Variants in HNF1B observed in about 807,000 individuals in gnomAD.
HNF1B encodes the protein hepatocyte nuclear factor 1-beta.
In HNF1B, 8 loss-of-function variants were observed where a neutral mutation model predicts 61.7. The observed-to-expected ratio is 0.13, with a 90% CI of 0.08 to 0.23. HNF1B has a LOEUF of 0.23. Among genes scored for constraint, HNF1B ranks in the 10% least tolerant of loss-of-function variants. The pLI is 1.00. For missense variants in HNF1B, 562 were observed against 714.5 expected (o/e 0.79, Z 2.43); for synonymous variants, 314 against 287.7 (o/e 1.09, Z -0.93).
intron 4 of HNF1B, among the ~76,000 whole-genome samples, chr17:37,714,432 A>G (rs1329048283): frequency 6.6e-6 from 1 of 152,242 alleles, no homozygotes; most frequent in African/African-American, 2.4e-5. Flanking sequence ...TTGATTAACC[A>G]AAGATGCCAG....
intron 4 of HNF1B, among the ~76,000 whole-genome samples, chr17:37,724,903 CGTGTGTGT>C (rs34210303): frequency 0.065 from 9,459 of 145,306 alleles, 917 homozygotes; most frequent in African/African-American, 0.23. Flanking sequence ...TATATGTATG[CGTGTGTGT>C]GTGTGTGTGT....
At chr17:37,706,586 G>A (rs2032756063) in intron 5 of HNF1B, among the ~76,000 whole-genome samples, 2 of 151,772 alleles carry the variant, frequency 1.3e-5, no homozygotes, top group South Asian at 2.1e-4. Context: ...GAAATGTTAG[G>A]GGGTCACATG....
At chr17:37,744,313 C>T (rs113656333) in intron 1 of HNF1B, among the ~76,000 whole-genome samples, 1 of 152,236 alleles carries the variant, frequency 6.6e-6, no homozygotes, top group Non-Finnish European at 1.5e-5. Context: ...GCCCTTGGGT[C>T]TCGGACGCTG....
rs2034112695 is a variant in HNF1B at position 37,744,621 on chromosome 17, T to A, written c.264A>T (p.Thr88=). 1 of 1,610,640 alleles carries A rather than the reference T, an allele frequency of 6.2e-7. No homozygotes were observed. The highest frequency in any genetic ancestry group is 2.2e-5 in the East Asian group (1 of 44,864). The change falls in exon 1 of 9, where the codon ACA becomes ACT. Residue 88 remains threonine, a synonymous_variant. Transcript: ENST00000617811. ...CCTGCAGCTCCTTGAGGATGGGAGGTGTGTCATAGTCGTCGCCGTCCTCGG... is the reference window on the plus strand; with the variant it reads ...CCTGCAGCTCCTTGAGGATGGGAGGAGTGTCATAGTCGTCGCCGTCCTCGG... The part of the protein sequence containing the change: ...EGSEDGDDYD[T]PPILKELQAL...
intron 4 of HNF1B, among the ~76,000 whole-genome samples, chr17:37,721,144 T>C (rs1476780682): frequency 1.3e-5 from 2 of 152,176 alleles, no homozygotes; most frequent in African/African-American, 4.8e-5. Flanking sequence ...CAGCTGCTAT[T>C]CAGAAGCCCT....
chr17:37,727,763 G>C (rs1407692107), intron 4 of HNF1B, among the ~76,000 whole-genome samples: 5 of 152,180 alleles, frequency 3.3e-5, no homozygotes, highest in African/African-American at 1.2e-4. Flanking sequence ...GGCTGGGAGG[G>C]AAGGTGCTGT....
chr17:37,694,290 G>C lies in HNF1B; in HGVS notation c.1653+4786C>G, dbSNP rs907057771. On this transcript the variant is annotated intron_variant, in intron 8 of 8. Coordinates refer to ENST00000617811, the MANE Select transcript of HNF1B (RefSeq NM_000458.4). ...TAAAAATACAAAAAATTAGCCAGGC[G>C]TGGTGGCCTGTGCCTGTAATCCTAG... Among the ~76,000 whole-genome samples, 3 of 152,188 alleles carry C rather than the reference G, an allele frequency of 2.0e-5. No individual in the cohort carries two copies. In the East Asian group the frequency reaches 5.8e-4, roughly 29 times the overall value.
chr17:37,699,218 A>G (rs1209731368), intron 7 of HNF1B, 24 bp from the exon 8 acceptor site: 2 of 1,576,590 alleles, frequency 1.3e-6, no homozygotes, highest in Non-Finnish European at 8.7e-7. Flanking sequence ...GTGAAGACAG[A>G]ATCAAGGTGC....
At chr17:37,720,485 G>A (rs1302092642) in intron 4 of HNF1B, among the ~76,000 whole-genome samples, 11 of 151,686 alleles carry the variant, frequency 7.3e-5, no homozygotes, top group Non-Finnish European at 1.3e-4. Context: ...TTCTAGAGAA[G>A]AGAAAATATG....
chr17:37,716,289 C>G (rs1424369445), intron 4 of HNF1B, among the ~76,000 whole-genome samples: 1 of 152,212 alleles, frequency 6.6e-6, no homozygotes, highest in South Asian at 2.1e-4. Flanking sequence ...CCTTCGCCTC[C>G]CGGGCTCAAG....
chr17:37,693,764 G>C (rs1293790590), intron 8 of HNF1B, among the ~76,000 whole-genome samples: 1 of 152,206 alleles, frequency 6.6e-6, no homozygotes. Flanking sequence ...GGTAAGGCCT[G>C]GTGGGAGATA....
chr17:37,744,867 C>G lies in HNF1B; in HGVS notation c.18G>C (p.Thr6=), dbSNP rs2034126685. 7.5e-7 allele frequency: 1 copy of G among 1,340,410 alleles called. No individual in the cohort carries two copies. The highest frequency in any genetic ancestry group is 1.7e-5 in the African/African-American group (1 of 59,864). 83.0% of individuals were successfully genotyped at this position (1,340,410 alleles called of 1,614,324 possible). Residue 6 remains threonine (T), a synonymous_variant, in exon 1 of 9, where the codon ACG becomes ACC. Coordinates refer to ENST00000617811, the MANE Select transcript of HNF1B (RefSeq NM_000458.4). ...CGCTCAGGAGTTCTTGCTGGAGCGA[C>G]GTGAGCTTGGACACCATTTTCCAAG... MVSKL[T]SLQQELLSAL... is the part of the protein sequence containing the mutation.
At chr17:37,699,536 C>G (rs1198099094) in intron 7 of HNF1B, among the ~76,000 whole-genome samples, 1 of 152,188 alleles carries the variant, frequency 6.6e-6, no homozygotes, top group Non-Finnish European at 1.5e-5. Flanking sequence ...ATTTCCTGGT[C>G]CAGGGCACCA....
chr17:37,720,828 T>C (rs1269001192), intron 4 of HNF1B: 2 of 985,232 alleles, frequency 2.0e-6, no homozygotes, highest in Non-Finnish European at 2.4e-6. Flanking sequence ...GACCTTCTTC[T>C]TCACGGTGAG....
chr17:37,742,526 G>A (rs1385179023), intron 1 of HNF1B, among the ~76,000 whole-genome samples: 1 of 152,160 alleles, frequency 6.6e-6, no homozygotes, highest in Non-Finnish European at 1.5e-5. Flanking sequence ...GCGATTTCTT[G>A]AAAAATTACT....
chr17:37,740,786 T>A (rs922818034), intron 1 of HNF1B, among the ~76,000 whole-genome samples: 2 of 152,236 alleles, frequency 1.3e-5, no homozygotes, highest in Non-Finnish European at 2.9e-5. Flanking sequence ...GATAAGAACA[T>A]GGTTATACTT....
intron 8 of HNF1B, among the ~76,000 whole-genome samples, chr17:37,695,823 A>C (rs1310935436): frequency 6.6e-6 from 1 of 152,196 alleles, no homozygotes; most frequent in African/African-American, 2.4e-5. Flanking sequence ...TTTGGAAGTA[A>C]GTATATAGTT....
At chr17:37,702,555 A>G (rs1380622299) in intron 6 of HNF1B, among the ~76,000 whole-genome samples, 2 of 152,096 alleles carry the variant, frequency 1.3e-5, no homozygotes, top group Non-Finnish European at 2.9e-5. Context: ...CCTCCTGCTT[A>G]TGGTCTCAGT....
intron 1 of HNF1B, 28 bp from the exon 2 acceptor site, chr17:37,739,667 A>C: frequency 6.4e-7 from 1 of 1,561,006 alleles, no homozygotes; most frequent in Non-Finnish European, 8.8e-7. Flanking sequence ...TGGTTAGGGT[A>C]CTAGTGGGAG....
Sources: allele counts gnomAD v4.1 joint callset (sites outside exome capture counted in the v4.1 genomes callset), GRCh38; gene constraint gnomAD v4.1.1; transcripts MANE v1.5; gene names NCBI Gene and HGNC (gene_info 2026-07-23, HGNC 2026-07-21).